MAGI2: variants seen among roughly 807,000 people sequenced by gnomAD.
The protein encoded by MAGI2 is membrane associated guanylate kinase, WW and PDZ domain containing 2.
In MAGI2, 35 loss-of-function variants were observed where a neutral mutation model predicts 133.3. The ratio of observed to expected loss-of-function variants is 0.26; its 90% CI spans 0.20 to 0.35. The LOEUF (loss-of-function observed/expected upper bound fraction) is 0.35. MAGI2 is among the 10% of genes least tolerant of loss of function. MAGI2 has a pLI of 1.00. For synonymous variants in MAGI2, 729 were observed against 710.6 expected, an observed-to-expected ratio of 1.03 and a Z score of -0.41; for missense variants, 1,636 against 1,863.4, an observed-to-expected ratio of 0.88 and a Z score of 2.25.
intron 16 of MAGI2, among the ~76,000 whole-genome samples, chr7:78,151,628 G>A (rs969467600): frequency 6.6e-6 from 1 of 152,204 alleles, no homozygotes; most frequent in African/African-American, 2.4e-5. Flanking sequence ...GCCCCAGGCT[G>A]ACTGCTGAAT....
intron 1 of MAGI2, among the ~76,000 whole-genome samples, chr7:79,121,563 GA>G (rs1430748559): frequency 6.6e-6 from 1 of 151,992 alleles, no homozygotes; most frequent in Non-Finnish European, 1.5e-5. Flanking sequence ...CCAGTGGGAT[GA>G]CCCCCAGCTA....
intron 9 of MAGI2, 75 bp from the exon 10 acceptor site, chr7:78,256,656 G>A (rs552410763): frequency 3.7e-5 from 44 of 1,196,902 alleles, no homozygotes; most frequent in African/African-American, 9.2e-5. Context: ...AATTATTTAC[G>A]AGACTAGTGA....
At chr7:78,252,959 AAC>A (rs537593834) in intron 10 of MAGI2, 25,247 of 141,588 alleles carry the variant, frequency 0.18, 3,127 homozygotes, top group African/African-American at 0.34. Context: ...AAAAAAAAAA[AAC>A]AATGGGCAGC....
At chr7:78,097,439 TAAAG>T (rs1438622734) in intron 20 of MAGI2, among the ~76,000 whole-genome samples, 1 of 152,068 alleles carries the variant, frequency 6.6e-6, no homozygotes, top group African/African-American at 2.4e-5. Context: ...ACAGATGTGA[TAAAG>T]AAAATATGGT....
At chr7:79,122,696 G>A (rs1820012813) in intron 1 of MAGI2, among the ~76,000 whole-genome samples, 1 of 150,776 alleles carries the variant, frequency 6.6e-6, no homozygotes, top group Non-Finnish European at 1.5e-5. Context: ...CCAGGCTGGA[G>A]TACAATGGTG....
intron 15 of MAGI2, among the ~76,000 whole-genome samples, chr7:78,160,668 T>C (rs1824883307): frequency 6.6e-6 from 1 of 152,164 alleles, no homozygotes; most frequent in Admixed American, 6.5e-5. Context: ...TGCATAAGAA[T>C]CACTTAAATA....
intron 16 of MAGI2, among the ~76,000 whole-genome samples, chr7:78,140,497 A>G (rs956523736): frequency 6.6e-6 from 1 of 152,232 alleles, no homozygotes; most frequent in Admixed American, 6.5e-5. Context: ...TGAGAAAAAT[A>G]AATACTTCAA....
chr7:78,512,136 T>C (rs1163840490), intron 4 of MAGI2, among the ~76,000 whole-genome samples: 3 of 127,144 alleles, frequency 2.4e-5, no homozygotes, highest in East Asian at 4.7e-4. Context: ...AAAAATAAAT[T>C]AAAAAAAAAA....
intron 2 of MAGI2, among the ~76,000 whole-genome samples, chr7:78,667,905 C>G (rs924128470): frequency 1.6e-4 from 25 of 152,256 alleles, no homozygotes; most frequent in South Asian, 1.2e-3. Context: ...GGTATACACC[C>G]AGTAATGGGA....
At chr7:78,036,478 A>G (rs948020829) in intron 21 of MAGI2, among the ~76,000 whole-genome samples, 7 of 152,218 alleles carry the variant, frequency 4.6e-5, no homozygotes, top group Non-Finnish European at 7.3e-5. Flanking sequence ...AATGCTGTGC[A>G]TGCGTTCTGT....
chr7:78,175,171 C>T (rs140711981), intron 14 of MAGI2, among the ~76,000 whole-genome samples: 95 of 152,252 alleles, frequency 6.2e-4, no homozygotes, highest in African/African-American at 2.1e-3. Flanking sequence ...TCTGGGTGGC[C>T]TTGGACTCAC....
intron 6 of MAGI2, among the ~76,000 whole-genome samples, chr7:78,395,389 T>C (rs969995655): frequency 1.2e-4 from 19 of 152,160 alleles, no homozygotes; most frequent in Admixed American, 2.6e-4. Flanking sequence ...GTTACTGAGA[T>C]TCAATCCCAA....
intron 2 of MAGI2, among the ~76,000 whole-genome samples, chr7:78,715,553 T>C (rs1819618743): frequency 6.6e-6 from 1 of 152,194 alleles, no homozygotes; most frequent in South Asian, 2.1e-4. Context: ...AAATAAACTT[T>C]AACTTCCAGT....
Position 79,237,266 on chromosome 7 carries a change from C to T in MAGI2, c.301+215754G>A, listed in dbSNP as rs961132693. On this transcript the variant is annotated intron_variant, in intron 1 of 21. Coordinates refer to ENST00000354212, the MANE Select transcript of MAGI2 (RefSeq NM_012301.4). ...ATCCCAGCACTTTGGGAGGCCGAGGCGGTGGATCACGAGGTCAGGCGATCA... is the reference window on the plus strand; with the variant it reads ...ATCCCAGCACTTTGGGAGGCCGAGGTGGTGGATCACGAGGTCAGGCGATCA... 4.6e-5 allele frequency among the ~76,000 whole-genome samples: 7 copies of T among 152,192 alleles called. No individual in the cohort carries two copies. In the South Asian group the frequency reaches 6.2e-4, roughly 14 times the overall value.
chr7:78,757,834 A>G (rs1308334732), intron 2 of MAGI2, among the ~76,000 whole-genome samples: 1 of 152,160 alleles, frequency 6.6e-6, no homozygotes, highest in Non-Finnish European at 1.5e-5. Flanking sequence ...AGATGATGCC[A>G]TTCATCTCAG....
At chr7:78,503,208 C>T (rs376377026) in intron 4 of MAGI2, among the ~76,000 whole-genome samples, 14 of 152,190 alleles carry the variant, frequency 9.2e-5, no homozygotes, top group East Asian at 5.8e-4. Context: ...TGGGAAAAAA[C>T]AGTCACTTTT....
chr7:78,199,992 T>C (rs1406360583), intron 11 of MAGI2, among the ~76,000 whole-genome samples: 1 of 152,216 alleles, frequency 6.6e-6, no homozygotes, highest in Non-Finnish European at 1.5e-5. Flanking sequence ...AGTTTGGTGG[T>C]GAAAGGAAGG....
intron 3 of MAGI2, among the ~76,000 whole-genome samples, chr7:78,577,142 C>G (rs1260694110): frequency 6.6e-6 from 1 of 152,228 alleles, no homozygotes; most frequent in African/African-American, 2.4e-5. Context: ...AATTTATTTG[C>G]ATTATTTTAT....
chr7:78,238,186 C>G (rs1790753731), intron 10 of MAGI2, among the ~76,000 whole-genome samples: 1 of 152,048 alleles, frequency 6.6e-6, no homozygotes, highest in African/African-American at 2.4e-5. Flanking sequence ...TGTTTCTCTT[C>G]TTTATTTGCA....
Sources: allele counts gnomAD v4.1 joint callset (sites outside exome capture counted in the v4.1 genomes callset), GRCh38; gene constraint gnomAD v4.1.1; transcripts MANE v1.5; gene names NCBI Gene and HGNC (gene_info 2026-07-23, HGNC 2026-07-21).